NRXN3: variants seen among roughly 807,000 people sequenced by gnomAD.
NRXN3 encodes neurexin 3, also known as neurexin III.
In NRXN3, 32 loss-of-function variants were observed where a neutral mutation model predicts 137.6. The ratio of observed to expected loss-of-function variants is 0.23; its 90% confidence interval spans 0.18 to 0.31. NRXN3 has a LOEUF of 0.31. NRXN3 is among the 10% of genes least tolerant of loss of function. The pLI is 1.00. For synonymous variants in NRXN3, 798 were observed against 784.5 expected, an observed-to-expected ratio of 1.02 and a Z score of -0.29; for missense variants, 1,574 against 2,062.5, an observed-to-expected ratio of 0.76 and a Z score of 4.59.
At chr14:78,320,598 C>G (rs1207670167) in intron 4 of NRXN3, among the ~76,000 whole-genome samples, 1 of 152,190 alleles carries the variant, frequency 6.6e-6, no homozygotes, top group Non-Finnish European at 1.5e-5. Context: ...TCTGTGATTT[C>G]TTTTAATCCC....
chr14:79,532,583 A>T (rs2097179405), intron 16 of NRXN3, among the ~76,000 whole-genome samples: 1 of 152,096 alleles, frequency 6.6e-6, no homozygotes, highest in South Asian at 2.1e-4. Context: ...ACGACGGCTT[A>T]CTCTGTGGAC....
chr14:78,834,417 A>G (rs200945300), intron 10 of NRXN3, among the ~76,000 whole-genome samples: 1 of 152,056 alleles, frequency 6.6e-6, no homozygotes. Flanking sequence ...TAGTATTAAG[A>G]GATTGGAAAG....
chr14:79,658,902 G>A (rs2098519406), intron 16 of NRXN3, among the ~76,000 whole-genome samples: 1 of 152,180 alleles, frequency 6.6e-6, no homozygotes, highest in Non-Finnish European at 1.5e-5. Flanking sequence ...AATAGCGGAT[G>A]ATGCATTCCG....
intron 4 of NRXN3, among the ~76,000 whole-genome samples, chr14:78,519,987 GT>G (rs1189755957): frequency 6.6e-6 from 1 of 152,208 alleles, no homozygotes; most frequent in African/African-American, 2.4e-5. Flanking sequence ...GACCCAAGTT[GT>G]GGGATTCAAG....
intron 4 of NRXN3, among the ~76,000 whole-genome samples, chr14:78,615,364 G>T (rs1159110630): frequency 6.6e-6 from 1 of 151,704 alleles, no homozygotes; most frequent in African/African-American, 2.4e-5. Flanking sequence ...ACTTTGGGAG[G>T]CCGAGGTGGG....
chr14:78,580,669 A>G (rs1239630235), intron 4 of NRXN3, among the ~76,000 whole-genome samples: 1 of 152,192 alleles, frequency 6.6e-6, no homozygotes, highest in Non-Finnish European at 1.5e-5. Flanking sequence ...GGTGACTATT[A>G]GAGGTGCTTG....
intron 15 of NRXN3, among the ~76,000 whole-genome samples, chr14:79,327,310 TG>T (rs1399024153): frequency 1.3e-5 from 2 of 152,138 alleles, no homozygotes; most frequent in Non-Finnish European, 2.9e-5. Context: ...GTCTTTTCCT[TG>T]TAACCCCCTA....
At chr14:78,443,736 C>A (rs541990099) in intron 4 of NRXN3, among the ~76,000 whole-genome samples, 12 of 152,286 alleles carry the variant, frequency 7.9e-5, no homozygotes, top group Non-Finnish European at 1.5e-5. Context: ...ACCCTCCTCT[C>A]AGAAGTGTTA....
chr14:79,737,428 C>A (rs2098945867), intron 19 of NRXN3, among the ~76,000 whole-genome samples: 5 of 152,102 alleles, frequency 3.3e-5, no homozygotes, highest in African/African-American at 1.2e-4. Context: ...CCACTGAGTC[C>A]TCTTTTTAGT....
At chr14:79,774,934 T>C (rs2099091883) in intron 19 of NRXN3, among the ~76,000 whole-genome samples, 2 of 151,870 alleles carry the variant, frequency 1.3e-5, no homozygotes, top group Admixed American at 1.3e-4. Flanking sequence ...GTATGATATA[T>C]ATATAGTATG....
chr14:79,347,836 T>G (rs2092975151), intron 15 of NRXN3, among the ~76,000 whole-genome samples: 1 of 152,220 alleles, frequency 6.6e-6, no homozygotes, highest in Admixed American at 6.5e-5. Flanking sequence ...TCTAAAAGTT[T>G]TAGAAATATG....
chr14:78,831,534 C>CAAAAAAAAAA lies in NRXN3; in HGVS notation c.2275+21208_2275+21217dup, dbSNP rs372852083. On this transcript the variant is annotated intron_variant, in intron 10 of 20. Transcript: ENST00000335750. ...TGGGTGACAGAGGGAGACTCCATGT[C>CAAAAAAAAAA]AAAAAAAAAAAAAAAAAAAAAAAAA... 2.7e-4 allele frequency among the ~76,000 whole-genome samples: 16 copies of CAAAAAAAAAA among 58,200 alleles called. 1 individual carries two copies. Among genetic ancestry groups the CAAAAAAAAAA allele is most frequent in the East Asian group, 1.4e-3 (2 of 1,456 alleles). 38.2% of individuals were successfully genotyped at this position (58,200 alleles called of 152,430 possible). A position where few individuals can be genotyped will look rare whatever the true frequency, so the allele number is the denominator to read the frequency against.
At chr14:79,533,071 A>G (rs1048902925) in intron 16 of NRXN3, among the ~76,000 whole-genome samples, 3 of 81,324 alleles carry the variant, frequency 3.7e-5, no homozygotes, top group Non-Finnish European at 7.1e-5. Flanking sequence ...TCACAAAAAA[A>G]CTAGATTTTA....
chr14:79,279,397 C>A (rs1327472062), intron 15 of NRXN3: 2 of 985,934 alleles, frequency 2.0e-6, no homozygotes, highest in Non-Finnish European at 2.4e-6. Flanking sequence ...TTCACCTGTG[C>A]CTCCCTGGTC....
At chr14:79,230,339 T>C (rs2071933609) in intron 15 of NRXN3, among the ~76,000 whole-genome samples, 1 of 152,126 alleles carries the variant, frequency 6.6e-6, no homozygotes, top group Non-Finnish European at 1.5e-5. Flanking sequence ...TGGTGGTCCC[T>C]GCCTGTGTCT....
At chr14:78,401,630 A>G (rs1424860152) in intron 4 of NRXN3, among the ~76,000 whole-genome samples, 1 of 152,222 alleles carries the variant, frequency 6.6e-6, no homozygotes, top group Non-Finnish European at 1.5e-5. Context: ...AAATTTTAAC[A>G]TAAATTTTGG....
intron 9 of NRXN3, among the ~76,000 whole-genome samples, chr14:78,805,463 A>G (rs2098858502): frequency 1.3e-5 from 2 of 152,114 alleles, no homozygotes; most frequent in Admixed American, 6.5e-5. Flanking sequence ...CGTATTGAGC[A>G]GCCTACAGAG....
intron 1 of NRXN3, among the ~76,000 whole-genome samples, chr14:78,175,105 G>C (rs1487373259): frequency 6.6e-6 from 1 of 152,196 alleles, no homozygotes; most frequent in African/African-American, 2.4e-5. Context: ...TTAACTACCG[G>C]ACGCCATTTT....
chr14:78,882,417 C>A (rs535080486), intron 10 of NRXN3, among the ~76,000 whole-genome samples: 9 of 151,910 alleles, frequency 5.9e-5, no homozygotes, highest in African/African-American at 1.2e-4. Flanking sequence ...GGGCACTGTA[C>A]CCTACAAAGC....
Sources: allele counts gnomAD v4.1 joint callset (sites outside exome capture counted in the v4.1 genomes callset), GRCh38; gene constraint gnomAD v4.1.1; transcripts MANE v1.5; gene names NCBI Gene and HGNC (gene_info 2026-07-23, HGNC 2026-07-21).